MFHAS1: variants seen among roughly 807,000 people sequenced by gnomAD.
The protein encoded by MFHAS1 is multifunctional ROCO family signaling regulator 1, also known as malignant fibrous histiocytoma-amplified sequence 1.
Under a neutral mutation model 70.4 loss-of-function variants are expected in MFHAS1, and 50 were observed. The ratio of observed to expected loss-of-function variants is 0.71; its 90% CI spans 0.57 to 0.90. The LOEUF (loss-of-function observed/expected upper bound fraction) is 0.90. MFHAS1 is among the 40% of genes least tolerant of loss of function. MFHAS1 has a pLI of 0.00. For synonymous variants in MFHAS1, 952 were observed against 620.0 expected (o/e 1.54, Z -7.96); for missense variants, 1,795 against 1,347.6 (o/e 1.33, Z -5.20).
In MFHAS1 at chr8:8,785,348, C is replaced by A. The variant is rs1805501461; in HGVS notation, c.*674G>T. Reference sequence around the variant, plus strand: ...AAGGTTCTTTCTGATTATTGGCAATCTCTATGAACCAACACTTAATCCATG... The same window carrying A: ...AAGGTTCTTTCTGATTATTGGCAATATCTATGAACCAACACTTAATCCATG... On this transcript the variant is annotated 3_prime_UTR_variant, in exon 3 of 3. Transcript: ENST00000276282. 1 of 151,590 alleles carries A rather than the reference C, an allele frequency of 6.6e-6. No individual in the cohort carries two copies. Among genetic ancestry groups the A allele is most frequent in the African/African-American group, 2.4e-5 (1 of 41,132 alleles). 9.4% of individuals were successfully genotyped at this position (151,590 alleles called of 1,614,324 possible).
intron 2 of MFHAS1, among the ~76,000 whole-genome samples, chr8:8,786,909 A>G (rs1368458452): frequency 6.6e-6 from 1 of 152,078 alleles, no homozygotes; most frequent in Non-Finnish European, 1.5e-5. Flanking sequence ...GATAATAACG[A>G]CATCACCAAA....
intron 1 of MFHAS1, among the ~76,000 whole-genome samples, chr8:8,815,757 G>C (rs1340117105): frequency 6.6e-6 from 1 of 152,108 alleles, no homozygotes; most frequent in Non-Finnish European, 1.5e-5. Flanking sequence ...TTCTTGAAAA[G>C]TTGAAACATA....
At position 8,785,899 on chromosome 8, in the gene MFHAS1, A is replaced by C; in HGVS notation, c.*123T>G. 3 of 710,350 alleles carry C rather than the reference A, an allele frequency of 4.2e-6. No individual in the cohort carries two copies. Among genetic ancestry groups the C allele is most frequent in the South Asian group, 1.6e-5 (1 of 62,618 alleles). The allele number at this position is 710,350 out of a possible 1,614,324, so 44.0% of individuals were successfully genotyped here. On this transcript the variant is annotated 3_prime_UTR_variant, in exon 3 of 3. Transcript: ENST00000276282. ...GTCGTCCAAAAAGCACCCTGCAAGC[A>C]CGCGTTGTCACTCAAGTTCACAGAA...
intron 1 of MFHAS1, among the ~76,000 whole-genome samples, chr8:8,888,517 A>AAC (rs113065905): frequency 0.14 from 21,007 of 150,464 alleles, 1,630 homozygotes; most frequent in East Asian, 0.22. Flanking sequence ...CAAAAAACAA[A>AAC]ACACACACAC....
intron 1 of MFHAS1, among the ~76,000 whole-genome samples, chr8:8,874,331 TACACAC>T (rs35271686): frequency 0.15 from 22,197 of 144,652 alleles, 2,036 homozygotes; most frequent in East Asian, 0.34. Context: ...TATAACATTC[TACACAC>T]ACACACACAC....
intron 1 of MFHAS1, among the ~76,000 whole-genome samples, chr8:8,835,151 G>A (rs1233237553): frequency 1.3e-5 from 2 of 150,920 alleles, no homozygotes; most frequent in Admixed American, 6.7e-5. Flanking sequence ...TCGAGGGTGA[G>A]CATTAGGGGA....
At chr8:8,854,932 C>T (rs1035760756) in intron 1 of MFHAS1, among the ~76,000 whole-genome samples, 1 of 151,866 alleles carries the variant, frequency 6.6e-6, no homozygotes, top group Non-Finnish European at 1.5e-5. Context: ...GTTTTTGATA[C>T]AGGATCTCAC....
At chr8:8,861,351 T>C (rs936645341) in intron 1 of MFHAS1, among the ~76,000 whole-genome samples, 4 of 152,220 alleles carry the variant, frequency 2.6e-5, no homozygotes, top group African/African-American at 7.2e-5. Context: ...TCAAGAATGA[T>C]TGGATATCAA....
At chr8:8,885,232 G>C (rs766474104) in intron 1 of MFHAS1, among the ~76,000 whole-genome samples, 12 of 152,192 alleles carry the variant, frequency 7.9e-5, no homozygotes, top group Non-Finnish European at 1.2e-4. Context: ...CTGAGTAAAT[G>C]AAAGACAGTA....
chr8:8,890,007 CA>C, intron 1 of MFHAS1, 53 bp downstream of exon 1: 1 of 1,421,814 alleles, frequency 7.0e-7, no homozygotes, highest in Non-Finnish European at 9.6e-7. Context: ...CAAGTATCTC[CA>C]AAAACATATC....
chr8:8,823,187 T>C (rs1233627230), intron 1 of MFHAS1, among the ~76,000 whole-genome samples: 2 of 152,236 alleles, frequency 1.3e-5, no homozygotes, highest in Non-Finnish European at 2.9e-5. Context: ...CAAACGGTTT[T>C]TCTCAGGGGT....
At chr8:8,822,791 G>A in intron 1 of MFHAS1, among the ~76,000 whole-genome samples, 1 of 150,724 alleles carries the variant, frequency 6.6e-6, no homozygotes, top group Non-Finnish European at 1.5e-5. Context: ...ACCAAGCCAG[G>A]GGGATTTAGA....
At chr8:8,870,388 C>A (rs183470918) in intron 1 of MFHAS1, among the ~76,000 whole-genome samples, 1 of 151,986 alleles carries the variant, frequency 6.6e-6, no homozygotes, top group South Asian at 2.1e-4. Context: ...ATAGCTTGAG[C>A]CCAGGAAGTT....
intron 1 of MFHAS1, among the ~76,000 whole-genome samples, chr8:8,858,213 G>C (rs187396583): frequency 3.3e-5 from 5 of 152,222 alleles, no homozygotes; most frequent in Non-Finnish European, 5.9e-5. Context: ...TTTAGTAAGT[G>C]CCCACTACAT....
rs1328221780 is a variant in MFHAS1, at chr8:8,892,071, G to A, written c.988C>T (p.Arg330Cys). 9.9e-6 allele frequency: 16 copies of A among 1,613,240 alleles called. 1 individual carries two copies. Among genetic ancestry groups the A allele is most frequent in the Middle Eastern group, 3.3e-4 (2 of 6,084 alleles). The change falls in exon 1 of 3, where the codon CGC becomes TGC. Residue 330 changes from arginine (R) to cysteine (C), a missense_variant. Transcript: ENST00000276282. This position sits in a 1 kb window ranked among gnomAD's most constrained non-coding sequence, Gnocchi z 4.7. ...ATGGAGTCCGGCAGGTAGCGGATGC[G>A]GTTATTATCCAGCCACAAGGTGAGA... The part of the protein sequence containing the change: ...RLLTLWLDNN[R>C]IRYLPDSIVE...
rs754357622 is a variant in MFHAS1, at chr8:8,891,561, G to GCA, written c.1496_1497dup (p.Leu500CysfsTer71). 6.2e-7 allele frequency: 1 copy of GCA among 1,613,202 alleles called. No individual in the cohort carries two copies. The highest frequency in any genetic ancestry group is 2.2e-5 in the East Asian group (1 of 44,880). The stretch of plus-strand genomic sequence containing the variant: ...TCATAGGTGGCCAAGTTGACCACCA[G>GCA]CACGTATAGGGCCCCTGGGGACAGG... On this transcript the variant is annotated frameshift_variant, in exon 1 of 3. Coordinates refer to ENST00000276282, the MANE Select transcript of MFHAS1 (RefSeq NM_004225.3). LOFTEE classifies it high-confidence loss of function. This position sits in a 1 kb window ranked among gnomAD's most constrained non-coding sequence, Gnocchi z 5.4.
intron 1 of MFHAS1, among the ~76,000 whole-genome samples, chr8:8,805,346 T>C (rs1806249791): frequency 6.6e-6 from 1 of 152,244 alleles, no homozygotes; most frequent in African/African-American, 2.4e-5. Flanking sequence ...ACCAATAATG[T>C]AATCAGCTGA....
At chr8:8,795,642 G>A (rs1003974872) in intron 2 of MFHAS1, among the ~76,000 whole-genome samples, 17 of 152,230 alleles carry the variant, frequency 1.1e-4, no homozygotes, top group South Asian at 6.2e-4. Flanking sequence ...GCACTGAGCC[G>A]AGTGCCCTCT....
intron 1 of MFHAS1, among the ~76,000 whole-genome samples, chr8:8,799,150 A>G (rs1280208958): frequency 6.6e-6 from 1 of 152,174 alleles, no homozygotes; most frequent in Non-Finnish European, 1.5e-5. Flanking sequence ...CAGCGGATGC[A>G]TGAAACCGAG....
Sources: gnomAD v4.1 joint callset for allele counts (sites outside exome capture counted in the v4.1 genomes callset) on GRCh38, gnomAD v4.1.1 for gene constraint, Gnocchi (gnomAD v3.1) non-coding constraint, MANE v1.5 for transcripts, NCBI Gene and HGNC (gene_info 2026-07-23, HGNC 2026-07-21) for gene names.